The following PTCD1 variants were observed in gnomAD, a reference collection of about 807,000 sequenced individuals.
PTCD1 encodes the protein pentatricopeptide repeat-containing protein 1, mitochondrial.
In PTCD1, 50 loss-of-function variants were observed where a neutral mutation model predicts 53.4. That is an observed-to-expected ratio of 0.94 (90% CI 0.75 to 1.19). PTCD1 has a LOEUF of 1.19. Among genes scored for constraint, PTCD1 ranks in the 50% most tolerant of loss-of-function variants. The pLI, the probability that PTCD1 is intolerant of heterozygous loss-of-function variation, is 0.00. For synonymous variants in PTCD1, 413 were observed against 394.8 expected (o/e 1.05, Z -0.55); for missense variants, 918 against 904.8 (o/e 1.01, Z -0.19).
rs1249652578 is a variant in PTCD1 at position 99,418,407 on chromosome 7, T to TGTGGTGGC, written c.*1559_*1560insGCCACCAC. 1.3e-3 allele frequency: 206 copies of TGTGGTGGC among 154,724 alleles called. 1 individual carries two copies. The highest frequency in any genetic ancestry group is 4.8e-3 in the African/African-American group (198 of 41,526). The allele number at this position is 154,724 out of a possible 1,614,324, so 9.6% of individuals were successfully genotyped here. A position where few individuals can be genotyped will look rare whatever the true frequency, so the allele number is the denominator to read the frequency against. On this transcript the variant is annotated 3_prime_UTR_variant, in exon 8 of 8. Coordinates refer to ENST00000292478, the MANE Select transcript of PTCD1 (RefSeq NM_015545.4). The stretch of plus-strand genomic sequence containing the variant: ...AAGGCAGCTGTGGCCCGAGGCAGAG[T>TGTGGTGGC]CACAGCAGTGGCCGCTCAGTGCAGC...
intron 1 of PTCD1, 111 bp from the exon 2 acceptor site, chr7:99,435,379 C>T (rs967223763): frequency 1.1e-5 from 16 of 1,400,032 alleles, no homozygotes; most frequent in Non-Finnish European, 1.4e-5. Flanking sequence ...TGGCTCATGC[C>T]TGTAATCCCA....
At chr7:99,434,051 C>CAAAA (rs552163766) in intron 2 of PTCD1, among the ~76,000 whole-genome samples, 2 of 48,674 alleles carry the variant, frequency 4.1e-5, no homozygotes, top group African/African-American at 7.9e-5. Context: ...GACTCCATCT[C>CAAAA]AAAAAAAAAA....
intron 1 of PTCD1, among the ~76,000 whole-genome samples, chr7:99,435,779 C>CA (rs1796442954): frequency 6.6e-6 from 1 of 150,790 alleles, no homozygotes; most frequent in Non-Finnish European, 1.5e-5. Context: ...ACTAAAAATA[C>CA]AAAAAACATG....
Position 99,434,902 on chromosome 7 carries a change from A to G in PTCD1, c.341T>C (p.Phe114Ser). The G allele has an allele frequency of 6.2e-7, 1 of 1,614,194 alleles. No homozygotes were observed. Among genetic ancestry groups the G allele is most frequent in the South Asian group, 1.1e-5 (1 of 91,088 alleles). The change falls in exon 2 of 8, where the codon TTT (phenylalanine) becomes TCT (serine). Residue 114 changes from phenylalanine (F) to serine (S), a missense_variant. Physicochemically the swap from Phe to Ser is radical, Grantham distance 155 (BLOSUM62 -2). Transcript: ENST00000292478. ...KSAAQFHNLR[F>S]GERRDEQMEP... ...CATTTGCTCATCTCTCCGTTCCCCA[A>G]ACCGCAGGTTATGGAACTGGGCTGC...
intron 6 of PTCD1, among the ~76,000 whole-genome samples, chr7:99,424,262 G>A (rs1264239450): frequency 2.0e-5 from 3 of 152,202 alleles, no homozygotes; most frequent in African/African-American, 7.2e-5. Context: ...TGTGACGCAC[G>A]GTCACCAGGT....
intron 5 of PTCD1, among the ~76,000 whole-genome samples, chr7:99,426,536 G>A (rs1278206027): frequency 2.6e-5 from 4 of 152,150 alleles, no homozygotes; most frequent in African/African-American, 7.2e-5. Context: ...ATCTCGGCTC[G>A]CTACAACCTC....
At chr7:99,438,205 C>T (rs1424045599) in intron 1 of PTCD1, among the ~76,000 whole-genome samples, 1 of 152,042 alleles carries the variant, frequency 6.6e-6, no homozygotes, top group East Asian at 1.9e-4. Flanking sequence ...AGGAGGATCG[C>T]TTTGGGCTTG....
At position 99,417,287 on chromosome 7, in the gene PTCD1, A is replaced by G. The variant is rs111849760; in HGVS notation, c.*2680T>C. On this transcript the variant is annotated 3_prime_UTR_variant, in exon 8 of 8. Coordinates refer to ENST00000292478, the MANE Select transcript of PTCD1 (RefSeq NM_015545.4). ...GGGCTGGTCCTGAACTCCTGACCTC[A>G]GGTGATCCGCCTGCCTCGGCCTCCC... 1.5e-3 allele frequency: 1,125 copies of G among 752,680 alleles called. 10 individuals are homozygous for G. Among genetic ancestry groups the G allele is most frequent in the African/African-American group, 0.01 (591 of 57,196 alleles). The allele number at this position is 752,680 out of a possible 1,614,324, so 46.6% of individuals were successfully genotyped here.
rs960427115 is a variant in PTCD1, at chr7:99,432,423, C to T, written c.594+855G>A. Among the ~76,000 whole-genome samples, 4 of 152,340 alleles carry T rather than the reference C, an allele frequency of 2.6e-5. 1 individual carries two copies. The South Asian group carries it at 8.3e-4, about 32-fold the overall frequency. On this transcript the variant is annotated intron_variant, in intron 3 of 7. Transcript: ENST00000292478. ...TGTTGTGTAGGTGCACATCAAAGCA[C>T]AGCACCCTTCCTTAAACTTATTTAT... is the stretch of plus-strand genomic sequence containing the variant.
At chr7:99,436,078 T>C (rs1796455700) in intron 1 of PTCD1, among the ~76,000 whole-genome samples, 1 of 152,088 alleles carries the variant, frequency 6.6e-6, no homozygotes, top group East Asian at 1.9e-4. Context: ...CCCGAGTAGC[T>C]GGAACTACAG....
intron 3 of PTCD1, chr7:99,433,069 C>A: frequency 1.4e-6 from 1 of 697,212 alleles, no homozygotes; most frequent in Non-Finnish European, 2.4e-6. Flanking sequence ...AGAAAGGGAA[C>A]ATGGGGACCG....
In PTCD1 at chr7:99,429,128, T is replaced by G; in HGVS notation, c.890A>C (p.Lys297Thr). ...CTGGAGGGCGTACCGGAAGCCTGTC[T>G]TCTTGTCTTGGATGCAGCCCATGAG... ...FLLMGCIQDK[K>T]TGFRYALQVW... is the part of the protein sequence containing the mutation. The change falls in exon 5 of 8, where the codon AAG (lysine) becomes ACG (threonine). Residue 297 changes from lysine (K) to threonine (T), a missense_variant. By Grantham distance (78) the Lys-to-Thr change is moderately conservative. Coordinates refer to ENST00000292478, the MANE Select transcript of PTCD1 (RefSeq NM_015545.4). 1 of 1,614,172 alleles carries G rather than the reference T, an allele frequency of 6.2e-7. No homozygotes were observed. Among genetic ancestry groups the G allele is most frequent in the Non-Finnish European group, 8.5e-7 (1 of 1,180,032 alleles).
In PTCD1 at chr7:99,419,546, C is replaced by A; in HGVS notation, c.*421G>T. The A allele has an allele frequency of 7.5e-7, 1 of 1,331,390 alleles. No homozygotes were observed. 82.5% of individuals were successfully genotyped at this position (1,331,390 alleles called of 1,614,324 possible). A position where few individuals can be genotyped will look rare whatever the true frequency, so the allele number is the denominator to read the frequency against. On this transcript the variant is annotated 3_prime_UTR_variant, in exon 8 of 8. Coordinates refer to ENST00000292478, the MANE Select transcript of PTCD1 (RefSeq NM_015545.4). Reference sequence around the variant, plus strand: ...AGTGCCCCAGGCCCGAGTTGGAGCACGGTCTCTATGGGGAAGGCTTCGCTG... The same window carrying A: ...AGTGCCCCAGGCCCGAGTTGGAGCAAGGTCTCTATGGGGAAGGCTTCGCTG...
chr7:99,431,149 T>C (rs2150957273), intron 3 of PTCD1, among the ~76,000 whole-genome samples: 1 of 151,984 alleles, frequency 6.6e-6, no homozygotes, highest in South Asian at 2.1e-4. Context: ...TTTTTTGAGA[T>C]GGAGTCTTAC....
At chr7:99,422,662 T>C (rs571320729) in intron 7 of PTCD1, among the ~76,000 whole-genome samples, 2 of 152,312 alleles carry the variant, frequency 1.3e-5, no homozygotes, top group South Asian at 4.1e-4. Flanking sequence ...AACTGGAAGC[T>C]TGCAGGGGTA....
At chr7:99,435,860 A>T (rs1195592944) in intron 1 of PTCD1, among the ~76,000 whole-genome samples, 2 of 139,048 alleles carry the variant, frequency 1.4e-5, no homozygotes, top group South Asian at 2.4e-4. Flanking sequence ...GCTTGAACCC[A>T]GGAGACGGAG....
Position 99,434,974 on chromosome 7 carries a change from CCAA to C in PTCD1, c.266_268del (p.Phe89_Gly90delinsTrp). ...GGAGGAGTATTTGTCAGAGAGGGTC[CCAA>C]AACTCTCCTCCTCCTCCTCGTCTTC... On this transcript the variant is annotated inframe_deletion, in exon 2 of 8. Coordinates refer to ENST00000292478, the MANE Select transcript of PTCD1 (RefSeq NM_015545.4). 6.2e-7 allele frequency: 1 copy of C among 1,614,226 alleles called. No homozygotes were observed. The highest frequency in any genetic ancestry group is 1.1e-5 in the South Asian group (1 of 91,090).
chr7:99,435,208 C>A lies in PTCD1; in HGVS notation c.35G>T (p.Arg12Met). ...GATGAACAGTCCCATGGGGCGGGCC[C>A]TGGCGAACAGTCGAGCGAGTCTCAC... ...DFVRLARLFA[R>M]ARPMGLFILQ... The change falls in exon 2 of 8, where the codon AGG becomes ATG. Residue 12 changes from arginine to methionine, a missense_variant. Arg to Met is a moderately conservative substitution (Grantham distance 91). Coordinates refer to ENST00000292478, the MANE Select transcript of PTCD1 (RefSeq NM_015545.4). The A allele has an allele frequency of 6.2e-7, 1 of 1,604,356 alleles. No homozygotes were observed.
rs1363770884 is a variant in PTCD1 at position 99,438,741 on chromosome 7, CG to C, written c.-77del. 25 of 1,316,534 alleles carry C rather than the reference CG, an allele frequency of 1.9e-5. No individual in the cohort carries two copies. Among genetic ancestry groups the C allele is most frequent in the Non-Finnish European group, 2.4e-5 (24 of 1,009,044 alleles). 81.6% of individuals were successfully genotyped at this position (1,316,534 alleles called of 1,614,324 possible). A position where few individuals can be genotyped will look rare whatever the true frequency, so the allele number is the denominator to read the frequency against. ...CCGACGGGGAGCCCTGCCCGGTCCC[CG>C]CGGCGAACCAGTCTCTTCCTCGGGT... On this transcript the variant is annotated 5_prime_UTR_variant, in exon 1 of 8. Transcript: ENST00000292478.
Sources: gnomAD v4.1 joint callset for allele counts (sites outside exome capture counted in the v4.1 genomes callset) on GRCh38, gnomAD v4.1.1 for gene constraint, MANE v1.5 for transcripts, NCBI Gene and HGNC (gene_info 2026-07-23, HGNC 2026-07-21) for gene names.